The following SH3PXD2B variants were observed in gnomAD, a reference collection of about 807,000 sequenced individuals.
SH3PXD2B encodes the protein SH3 and PX domains 2B, also known as SH3 and PX domain-containing protein 2B.
A neutral mutation model predicts 73.1 loss-of-function variants in SH3PXD2B; 37 were observed. The observed-to-expected ratio is 0.51, with a 90% CI of 0.39 to 0.67. The LOEUF is 0.67. Ranked by LOEUF, SH3PXD2B falls within the 30% of genes least tolerant of loss-of-function variation. The probability of loss-of-function intolerance (pLI) is 0.00; values close to 1 mark genes in which losing one functional copy is unlikely to be tolerated. For missense variants in SH3PXD2B, 1,053 were observed against 1,197.8 expected (o/e 0.88, Z 1.78); for synonymous variants, 457 against 480.5 (o/e 0.95, Z 0.64).
chr5:172,339,447 G>C lies in SH3PXD2B; in HGVS notation c.1658C>G (p.Thr553Ser). 6.2e-7 allele frequency: 1 copy of C among 1,614,048 alleles called. No individual in the cohort carries two copies. The change falls in exon 13 of 13, where the codon ACT becomes AGT. Residue 553 changes from threonine to serine, a missense_variant. Thr to Ser is a moderately conservative substitution (Grantham distance 58). Around this residue, in one of 2 missense-constraint regions of SH3PXD2B, gnomAD observed 587 missense variants for 590.7 expected, o/e 0.99. Transcript: ENST00000311601. The surrounding 1 kb of genome is among the most constrained non-coding windows in gnomAD (Gnocchi z 6.1). ...CAAAATCACGCCCGGAGGCTTGGGA[G>C]TGGGGCCCCGGAGCTGCTCCGTCCT... is the stretch of plus-strand genomic sequence containing the variant. ...RQRTEQLRGP[T>S]PKPPGVILPM...
intron 4 of SH3PXD2B, among the ~76,000 whole-genome samples, chr5:172,393,349 G>A (rs1319423450): frequency 6.6e-6 from 1 of 151,956 alleles, no homozygotes; most frequent in African/African-American, 2.4e-5. Context: ...TTTCATTTCT[G>A]GATTATTTGT....
At position 172,339,133 on chromosome 5, in the gene SH3PXD2B, C is replaced by T. The variant is rs1365359711; in HGVS notation, c.1972G>A (p.Glu658Lys). The change falls in exon 13 of 13, where the codon GAA (glutamate) becomes AAA (lysine). Residue 658 changes from glutamate to lysine, a missense_variant. By Grantham distance (56) the Glu-to-Lys change is moderately conservative. Coordinates refer to ENST00000311601, the MANE Select transcript of SH3PXD2B (RefSeq NM_001017995.3). This position sits in a 1 kb window ranked among gnomAD's most constrained non-coding sequence, Gnocchi z 6.1. ...AGGTTGCAGATGTCGACTTGGTCTT[C>T]GCCCTGAGGTGGCTCCGTTTTGGGG... ...PSPKTEPPQGEDQVDICNLRS... is the reference protein window; with the variant it reads ...PSPKTEPPQGKDQVDICNLRS... 8.1e-6 allele frequency: 13 copies of T among 1,614,076 alleles called. No individual in the cohort carries two copies. Among genetic ancestry groups the T allele is most frequent in the East Asian group, 6.7e-5 (3 of 44,888 alleles).
chr5:172,431,242 G>A (rs753792199), intron 1 of SH3PXD2B, among the ~76,000 whole-genome samples: 3 of 152,200 alleles, frequency 2.0e-5, no homozygotes, highest in Non-Finnish European at 4.4e-5. Context: ...ATCCAAGCCC[G>A]GCCAATCAGG....
chr5:172,336,017 AC>A lies in SH3PXD2B; in HGVS notation c.*2351del. 9.9e-7 allele frequency: 1 copy of A among 1,005,276 alleles called. No homozygotes were observed. The highest frequency in any genetic ancestry group is 1.2e-6 in the Non-Finnish European group (1 of 843,630). The allele number at this position is 1,005,276 out of a possible 1,614,324, so 62.3% of individuals were successfully genotyped here. A position where few individuals can be genotyped will look rare whatever the true frequency, so the allele number is the denominator to read the frequency against. On this transcript the variant is annotated 3_prime_UTR_variant, in exon 13 of 13. Coordinates refer to ENST00000311601, the MANE Select transcript of SH3PXD2B (RefSeq NM_001017995.3). ...GGGCAAGTCTGCTCCTACCCAGCTG[AC>A]CCCCGGGAGGAAGGAATGAAGCAAG...
At chr5:172,356,387 A>G (rs996174258) in intron 8 of SH3PXD2B, among the ~76,000 whole-genome samples, 1 of 152,198 alleles carries the variant, frequency 6.6e-6, no homozygotes, top group Non-Finnish European at 1.5e-5. Context: ...CCCGGTTTAC[A>G]TGGATTTCTT....
intron 1 of SH3PXD2B, among the ~76,000 whole-genome samples, chr5:172,435,303 G>A (rs1759348566): frequency 1.3e-5 from 2 of 152,166 alleles, no homozygotes; most frequent in Admixed American, 1.3e-4. Flanking sequence ...TACTGTATTA[G>A]GAATATATAC....
intron 12 of SH3PXD2B, among the ~76,000 whole-genome samples, chr5:172,341,222 C>A (rs543982380): frequency 8.3e-4 from 126 of 152,288 alleles, no homozygotes; most frequent in African/African-American, 2.9e-3. Flanking sequence ...TGTGACTGTA[C>A]TTGGAAATGG....
intron 1 of SH3PXD2B, among the ~76,000 whole-genome samples, chr5:172,434,782 G>GTTTTT (rs71577589): frequency 1.5e-5 from 1 of 66,350 alleles, no homozygotes. Flanking sequence ...ATGGCCAATG[G>GTTTTT]TTTTTTTTTT....
chr5:172,332,417 CTACT>C (rs1472770747), downstream of SH3PXD2B, among the ~76,000 whole-genome samples: 139 of 107,990 alleles, frequency 1.3e-3, no homozygotes, highest in African/African-American at 3.8e-3. Flanking sequence ...CCACACCTGG[CTACT>C]TTTTTTTTTT....
downstream of SH3PXD2B, among the ~76,000 whole-genome samples, chr5:172,329,059 GTA>G (rs1211712213): frequency 4.5e-3 from 438 of 96,670 alleles, 12 homozygotes; most frequent in Middle Eastern, 0.019. Context: ...GTGTGTGTGT[GTA>G]TATATATATA....
chr5:172,358,942 A>G (rs1757341601), intron 7 of SH3PXD2B, 65 bp from the exon 8 acceptor site: 2 of 1,455,922 alleles, frequency 1.4e-6, no homozygotes, highest in South Asian at 1.2e-5. Context: ...GTCAGAACAT[A>G]ATAATCTATT....
At chr5:172,328,783 A>G (rs1756493004), downstream of SH3PXD2B, among the ~76,000 whole-genome samples, 4 of 151,938 alleles carry the variant, frequency 2.6e-5, no homozygotes, top group Admixed American at 2.0e-4. Context: ...CCCTAGTAGG[A>G]GAGAGGCTGA....
rs565891197 is a variant in SH3PXD2B, at chr5:172,373,663, T to G, written c.427+127A>C. The G allele has an allele frequency of 3.3e-4, 355 of 1,079,946 alleles. 3 individuals carry two copies. In the East Asian group the frequency reaches 8.3e-3, roughly 25 times the overall value. The allele number at this position is 1,079,946 out of a possible 1,614,324, so 66.9% of individuals were successfully genotyped here. A position where few individuals can be genotyped will look rare whatever the true frequency, so the allele number is the denominator to read the frequency against. On this transcript the variant is annotated intron_variant, in intron 6 of 12. Transcript: ENST00000311601. ...ACCCCTCCTTCCCTTCCCTCCCTCCTGCCAACCATCCACCCATCCACATCA... is the reference window on the plus strand; with the variant it reads ...ACCCCTCCTTCCCTTCCCTCCCTCCGGCCAACCATCCACCCATCCACATCA...
chr5:172,447,577 C>G (rs1219025450), intron 1 of SH3PXD2B, among the ~76,000 whole-genome samples: 1 of 152,144 alleles, frequency 6.6e-6, no homozygotes, highest in South Asian at 2.1e-4. Flanking sequence ...CTATTTTTAT[C>G]CTCATTTTAT....
chr5:172,364,143 G>A (rs910993225), intron 6 of SH3PXD2B, among the ~76,000 whole-genome samples: 1 of 152,114 alleles, frequency 6.6e-6, no homozygotes, highest in African/African-American at 2.4e-5. Flanking sequence ...AGATAATGCA[G>A]AATACAGGTG....
Position 172,325,359 on chromosome 5 carries a change from C to A in SH3PXD2B, c.1210G>T (p.Glu404Ter). 6.5e-7 allele frequency: 1 copy of A among 1,535,376 alleles called. No individual in the cohort carries two copies. The highest frequency in any genetic ancestry group is 8.7e-7 in the Non-Finnish European group (1 of 1,146,756). The change falls in exon 13 of 13, where the codon GAG becomes TAG. Residue 404 changes from glutamate to a stop codon, truncating the protein, a stop_gained. Coordinates refer to the SH3PXD2B transcript ENST00000519643. LOFTEE classifies it low-confidence loss of function (END_TRUNC). ...CTAAGAGGGACTTCCACAGGGCTCT[C>A]CAAGTGAACATTCTTATGATCCTAG... is the stretch of plus-strand genomic sequence containing the variant.
chr5:172,443,823 T>C (rs1264801817), intron 1 of SH3PXD2B, among the ~76,000 whole-genome samples: 1 of 152,134 alleles, frequency 6.6e-6, no homozygotes, highest in Non-Finnish European at 1.5e-5. Flanking sequence ...AAACAGAAAA[T>C]ACCATGCTTA....
intron 11 of SH3PXD2B, among the ~76,000 whole-genome samples, chr5:172,346,659 A>G (rs1170169859): frequency 1.3e-5 from 2 of 152,154 alleles, no homozygotes; most frequent in Non-Finnish European, 2.9e-5. Context: ...TCTCTCCTGC[A>G]GAGTGGGCAT....
At chr5:172,410,779 T>C (rs1758674745) in intron 2 of SH3PXD2B, among the ~76,000 whole-genome samples, 1 of 152,244 alleles carries the variant, frequency 6.6e-6, no homozygotes, top group South Asian at 2.1e-4. Context: ...CAGTTCACAG[T>C]GAACATGTCC....
Sources: allele counts gnomAD v4.1 joint callset (sites outside exome capture counted in the v4.1 genomes callset), GRCh38; gene constraint gnomAD v4.1.1; regional missense constraint gnomAD v4.1.1; non-coding constraint Gnocchi (gnomAD v3.1); transcripts MANE v1.5; gene names NCBI Gene and HGNC (gene_info 2026-07-23, HGNC 2026-07-21).